Variants in RGS14 observed in about 807,000 individuals in gnomAD.
RGS14 encodes regulator of G-protein signaling 14.
In RGS14, 33 loss-of-function variants were observed where a neutral mutation model predicts 63.8. The observed-to-expected ratio is 0.52, with a 90% CI of 0.39 to 0.69. The LOEUF is 0.69. Ranked by LOEUF, RGS14 falls within the 30% of genes least tolerant of loss-of-function variation. The pLI is 0.00. For missense variants in RGS14, 739 were observed against 742.9 expected, an observed-to-expected ratio of 0.99 and a Z score of 0.06; for synonymous variants, 296 against 320.9, an observed-to-expected ratio of 0.92 and a Z score of 0.83.
At chr5:177,367,152 A>T in intron 5 of RGS14, 118 bp downstream of exon 5, 2 of 1,357,286 alleles carry the variant, frequency 1.5e-6, no homozygotes, top group South Asian at 1.4e-5. Flanking sequence ...AGGCGGAGAC[A>T]GAGCCAAATG....
chr5:177,365,230 T>C (rs1762061817), intron 1 of RGS14, among the ~76,000 whole-genome samples: 1 of 152,218 alleles, frequency 6.6e-6, no homozygotes, highest in South Asian at 2.1e-4. Context: ...TTTGCTCTTG[T>C]CACCCGGGCT....
Position 177,357,946 on chromosome 5 carries a change from C to T in RGS14, c.-79C>T, listed in dbSNP as rs985546831. On this transcript the variant is annotated 5_prime_UTR_variant, in exon 1 of 15. Transcript: ENST00000408923. ...GCTCTCTCCACTGCCTGCCCGCCAC[C>T]GTGCAAGCTCTGGCCGGCGCTGCCC... is the stretch of plus-strand genomic sequence containing the variant. 4.1e-6 allele frequency: 5 copies of T among 1,234,206 alleles called. No homozygotes were observed. The highest frequency in any genetic ancestry group is 6.3e-5 in the East Asian group (2 of 31,648). 76.5% of individuals were successfully genotyped at this position (1,234,206 alleles called of 1,614,324 possible).
rs1762050928 is a variant in RGS14, at chr5:177,364,656, G to C, written c.46-1307G>C. Among the ~76,000 whole-genome samples, 1 of 152,198 alleles carries C rather than the reference G, an allele frequency of 6.6e-6. No homozygotes were observed. Among genetic ancestry groups the C allele is most frequent in the Admixed American group, 6.5e-5 (1 of 15,272 alleles). On this transcript the variant is annotated intron_variant, in intron 1 of 14. Transcript: ENST00000408923. This position sits in a 1 kb window ranked among gnomAD's most constrained non-coding sequence, Gnocchi z 4.6. ...AGTGCCCAGGACAGAGCCAGAGAGGGGTTGAGGCCACATTGCATGAGTGGG... is the reference window on the plus strand; with the variant it reads ...AGTGCCCAGGACAGAGCCAGAGAGGCGTTGAGGCCACATTGCATGAGTGGG...
intron 1 of RGS14, among the ~76,000 whole-genome samples, chr5:177,360,566 TAAAAAAAAAAAAAAA>T (rs750301708): frequency 1.5e-5 from 1 of 64,828 alleles, no homozygotes; most frequent in South Asian, 6.6e-4. Flanking sequence ...GATCCTATAT[TAAAAAAAAAAAAAAA>T]AAAAAAAAAG....
Position 177,372,364 on chromosome 5 carries a change from G to T in RGS14, c.*289G>T, listed in dbSNP as rs1283529441. 2.6e-6 allele frequency: 1 copy of T among 390,598 alleles called. No individual in the cohort carries two copies. Among genetic ancestry groups the T allele is most frequent in the African/African-American group, 2.1e-5 (1 of 48,716 alleles). The allele number at this position is 390,598 out of a possible 1,614,324, so 24.2% of individuals were successfully genotyped here. A position where few individuals can be genotyped will look rare whatever the true frequency, so the allele number is the denominator to read the frequency against. ...CAGGCTTGCCCAACATGGAGGGATGGCGTTGGCAGTGCCAGCCTCCCCAGC... is the reference window on the plus strand; with the variant it reads ...CAGGCTTGCCCAACATGGAGGGATGTCGTTGGCAGTGCCAGCCTCCCCAGC... On this transcript the variant is annotated 3_prime_UTR_variant, in exon 15 of 15. Coordinates refer to ENST00000408923, the MANE Select transcript of RGS14 (RefSeq NM_006480.5).
At position 177,371,730 on chromosome 5, in the gene RGS14, G is replaced by C; in HGVS notation, c.1498+141G>C. ...GAACAGGAAGGATGGGGGTTGGGGG[G>C]TCAAAGGGGCTGGAACAGGGGGCCG... is the stretch of plus-strand genomic sequence containing the variant. On this transcript the variant is annotated intron_variant, in intron 14 of 14. Transcript: ENST00000408923. This position sits in a 1 kb window ranked among gnomAD's most constrained non-coding sequence, Gnocchi z 6.1. 8.4e-7 allele frequency: 1 copy of C among 1,184,204 alleles called. No homozygotes were observed. The highest frequency in any genetic ancestry group is 1.2e-6 in the Non-Finnish European group (1 of 834,712). The allele number at this position is 1,184,204 out of a possible 1,614,324, so 73.4% of individuals were successfully genotyped here.
In RGS14 at chr5:177,358,097, C is replaced by T. The variant is rs1320479949; in HGVS notation, c.45+28C>T. ...GAGTGTGGGCTCCGGGCCAGGGCCA[C>T]GAGGAGGGGGTGGGCACACCCAGGG... is the stretch of plus-strand genomic sequence containing the variant. On this transcript the variant is annotated intron_variant, in intron 1 of 14. Coordinates refer to ENST00000408923, the MANE Select transcript of RGS14 (RefSeq NM_006480.5). The surrounding 1 kb of genome is among the most constrained non-coding windows in gnomAD (Gnocchi z 4.8). 1 of 1,332,204 alleles carries T rather than the reference C, an allele frequency of 7.5e-7. No individual in the cohort carries two copies. Among genetic ancestry groups the T allele is most frequent in the Non-Finnish European group, 9.7e-7 (1 of 1,031,814 alleles). 82.5% of individuals were successfully genotyped at this position (1,332,204 alleles called of 1,614,324 possible). A position where few individuals can be genotyped will look rare whatever the true frequency, so the allele number is the denominator to read the frequency against.
At position 177,371,016 on chromosome 5, in the gene RGS14, G is replaced by T; in HGVS notation, c.1239G>T (p.Glu413Asp). The change falls in exon 11 of 15, where the codon GAG (glutamate) becomes GAT (aspartate). Residue 413 changes from glutamate to aspartate, a missense_variant. Coordinates refer to ENST00000408923, the MANE Select transcript of RGS14 (RefSeq NM_006480.5). The surrounding 1 kb of genome is among the most constrained non-coding windows in gnomAD (Gnocchi z 6.1). ...ILEKHGLSPL[E>D]VVLHRPGEKQ... Reference sequence around the variant, plus strand: ...AGAAGCACGGCTTGAGCCCGCTAGAGGTGGTGCTGCACCGGGTGAGCTTCC... The same window carrying T: ...AGAAGCACGGCTTGAGCCCGCTAGATGTGGTGCTGCACCGGGTGAGCTTCC... 1 of 1,593,182 alleles carries T rather than the reference G, an allele frequency of 6.3e-7. No individual in the cohort carries two copies.
chr5:177,358,029 C>T lies in RGS14; in HGVS notation c.5C>T (p.Pro2Leu). 1 of 1,359,610 alleles carries T rather than the reference C, an allele frequency of 7.4e-7. No individual in the cohort carries two copies. The highest frequency in any genetic ancestry group is 9.6e-7 in the Non-Finnish European group (1 of 1,046,064). The allele number at this position is 1,359,610 out of a possible 1,614,324, so 84.2% of individuals were successfully genotyped here. Reference protein sequence around the residue: MPGKPKHLGVPN... With the variant: MLGKPKHLGVPN... ...GGACCCCTGATCGGCAGCGGCATGCCAGGGAAGCCCAAGCACCTGGGCGTC... is the reference window on the plus strand; with the variant it reads ...GGACCCCTGATCGGCAGCGGCATGCTAGGGAAGCCCAAGCACCTGGGCGTC... The change falls in exon 1 of 15, where the codon CCA becomes CTA. Residue 2 changes from proline to leucine, a missense_variant. Pro to Leu is a moderately conservative substitution (Grantham distance 98). Coordinates refer to ENST00000408923, the MANE Select transcript of RGS14 (RefSeq NM_006480.5). This position sits in a 1 kb window ranked among gnomAD's most constrained non-coding sequence, Gnocchi z 4.8.
intron 8 of RGS14, 119 bp from the exon 9 acceptor site, chr5:177,368,598 G>T: frequency 1.0e-6 from 1 of 1,002,262 alleles, no homozygotes; most frequent in Non-Finnish European, 1.5e-6. Flanking sequence ...ACGTATCTTT[G>T]CCTGCCTTGG....
Position 177,370,928 on chromosome 5 carries a change from G to A in RGS14, c.1151G>A (p.Arg384His). The stretch of plus-strand genomic sequence containing the variant: ...AGGCTGGAGCTGACGGCGCTGGAGC[G>A]CGTGGTACGAATCTCAGCCAAGCCC... Reference protein sequence around the residue: ...TFELELTALERVVRISAKPTK... With the variant: ...TFELELTALEHVVRISAKPTK... The change falls in exon 11 of 15, where the codon CGC becomes CAC. Residue 384 changes from arginine to histidine, a missense_variant. Arg to His is a conservative substitution (Grantham distance 29). Coordinates refer to ENST00000408923, the MANE Select transcript of RGS14 (RefSeq NM_006480.5). The A allele has an allele frequency of 6.2e-7, 1 of 1,606,898 alleles. No homozygotes were observed. The highest frequency in any genetic ancestry group is 8.5e-7 in the Non-Finnish European group (1 of 1,179,690).
intron 9 of RGS14, 65 bp from the exon 10 acceptor site, chr5:177,370,526 A>G (rs1469990214): frequency 2.1e-6 from 3 of 1,445,722 alleles, no homozygotes; most frequent in Non-Finnish European, 2.9e-6. Context: ...AGTTGTTCTC[A>G]GACCCACAGG....
rs1348634351 is a variant in RGS14 at position 177,367,815 on chromosome 5, C to T, written c.729C>T (p.Ser243=). The T allele has an allele frequency of 6.3e-7, 1 of 1,594,374 alleles. No homozygotes were observed. The highest frequency in any genetic ancestry group is 1.3e-5 in the African/African-American group (1 of 74,404). The part of the protein sequence containing the change: ...EGPGGRPLRK[S]FRRELGGTAN... The stretch of plus-strand genomic sequence containing the variant: ...CTGGGGGCCGCCCTCTCCGCAAGTC[C>T]TTCCGCCGGGGTGAGGGCAGGAGCG... Residue 243 remains serine, a synonymous_variant, in exon 7 of 15, where the codon TCC becomes TCT. Transcript: ENST00000408923.
Position 177,372,210 on chromosome 5 carries a change from C to A in RGS14, c.*135C>A. ...CCATGGGCAGGCCCGCAGGAAGAGC[C>A]GGTAGGGGTGGAAAGGGGACTCAGA... is the stretch of plus-strand genomic sequence containing the variant. On this transcript the variant is annotated 3_prime_UTR_variant, in exon 15 of 15. Transcript: ENST00000408923. 1.1e-6 allele frequency: 1 copy of A among 876,070 alleles called. No homozygotes were observed. The allele number at this position is 876,070 out of a possible 1,614,324, so 54.3% of individuals were successfully genotyped here. A position where few individuals can be genotyped will look rare whatever the true frequency, so the allele number is the denominator to read the frequency against.
rs1233080777 is a variant in RGS14, at chr5:177,368,709, T to C, written c.850-8T>C. Reference sequence around the variant, plus strand: ...CACATAATCTCCCCCACTCCTGCCATGAATCAGAGCCACCGGAAGAGCCTT... The same window carrying C: ...CACATAATCTCCCCCACTCCTGCCACGAATCAGAGCCACCGGAAGAGCCTT... On this transcript the variant is annotated splice_region_variant and splice_polypyrimidine_tract_variant and intron_variant, in intron 8 of 14. Coordinates refer to ENST00000408923, the MANE Select transcript of RGS14 (RefSeq NM_006480.5). 3.7e-6 allele frequency: 6 copies of C among 1,613,900 alleles called. No homozygotes were observed. Among genetic ancestry groups the C allele is most frequent in the Non-Finnish European group, 5.1e-6 (6 of 1,179,962 alleles).
chr5:177,371,093 G>C lies in RGS14; in HGVS notation c.1254+62G>C, dbSNP rs529909788. 2.9e-6 allele frequency: 3 copies of C among 1,021,264 alleles called. No individual in the cohort carries two copies. Among genetic ancestry groups the C allele is most frequent in the Non-Finnish European group, 3.6e-6 (3 of 842,052 alleles). 63.3% of individuals were successfully genotyped at this position (1,021,264 alleles called of 1,614,324 possible). Reference sequence around the variant, plus strand: ...CCGGGCCGGGGCCGGGGCCGGGGCCGGGGCCGGGGCCGGGGCCGGGGCCGG... The same window carrying C: ...CCGGGCCGGGGCCGGGGCCGGGGCCCGGGCCGGGGCCGGGGCCGGGGCCGG... On this transcript the variant is annotated intron_variant, in intron 11 of 14. Transcript: ENST00000408923. The surrounding 1 kb of genome is among the most constrained non-coding windows in gnomAD (Gnocchi z 6.1).
rs200760615 is a variant in RGS14 at position 177,370,626 on chromosome 5, G to A, written c.1089G>A (p.Ala363=). Residue 363 remains alanine (A), a synonymous_variant, in exon 10 of 15, where the codon GCG becomes GCA. Coordinates refer to ENST00000408923, the MANE Select transcript of RGS14 (RefSeq NM_006480.5). Reference sequence around the variant, plus strand: ...TGGATCAGGACTGCACCGTGCTGGCGGATCAGGAAGTGCGGCTGGAAAACA... The same window carrying A: ...TGGATCAGGACTGCACCGTGCTGGCAGATCAGGAAGTGCGGCTGGAAAACA... ...LVLDQDCTVL[A]DQEVRLENRI... is the part of the protein sequence containing the mutation. 2.7e-4 allele frequency: 430 copies of A among 1,614,078 alleles called. 2 individuals are homozygous for A. In the African/African-American group the frequency reaches 5.2e-3, roughly 20 times the overall value.
chr5:177,366,021 G>A, intron 2 of RGS14, 37 bp downstream of exon 2: 2 of 1,609,768 alleles, frequency 1.2e-6, no homozygotes, highest in Non-Finnish European at 1.7e-6. Flanking sequence ...GGCTGAGTGG[G>A]AGGGAGGAGG....
In RGS14 at chr5:177,372,061, G is replaced by A. The variant is rs1390460289; in HGVS notation, c.1687G>A (p.Asp563Asn). The change falls in exon 15 of 15, where the codon GAC becomes AAC. Residue 563 changes from aspartate to asparagine, a missense_variant. Coordinates refer to ENST00000408923, the MANE Select transcript of RGS14 (RefSeq NM_006480.5). ...PIGGSLNSTT[D>N]SAL is the part of the protein sequence containing the mutation. The stretch of plus-strand genomic sequence containing the variant: ...CGGGGGATCCTTGAACTCCACCACC[G>A]ACTCAGCCCTCTGACAGCTACCCAA... 9 of 1,613,914 alleles carry A rather than the reference G, an allele frequency of 5.6e-6. No individual in the cohort carries two copies. Among genetic ancestry groups the A allele is most frequent in the Middle Eastern group, 1.6e-4 (1 of 6,062 alleles).
Sources: gnomAD v4.1 joint callset for allele counts (sites outside exome capture counted in the v4.1 genomes callset) on GRCh38, gnomAD v4.1.1 for gene constraint, Gnocchi (gnomAD v3.1) non-coding constraint, MANE v1.5 for transcripts, NCBI Gene and HGNC (gene_info 2026-07-23, HGNC 2026-07-21) for gene names.